Variants in FER observed in about 807,000 individuals in gnomAD.
FER encodes tyrosine-protein kinase Fer.
In FER, 63 loss-of-function variants were observed where a neutral mutation model predicts 111.0. That is an observed-to-expected ratio of 0.57 (90% CI 0.46 to 0.70). The LOEUF (loss-of-function observed/expected upper bound fraction) is 0.70. FER is among the 30% of genes least tolerant of loss of function. The pLI is 0.00. For synonymous variants in FER, 327 were observed against 313.9 expected (o/e 1.04, Z -0.44); for missense variants, 914 against 954.0 (o/e 0.96, Z 0.55).
At chr5:108,856,663 C>T (rs1172083000) in intron 5 of FER, among the ~76,000 whole-genome samples, 2 of 152,060 alleles carry the variant, frequency 1.3e-5, no homozygotes, top group African/African-American at 4.8e-5. Context: ...ACCTAGGACA[C>T]CATGGATTGT....
chr5:108,750,815 T>A (rs1318613141), intron 1 of FER, among the ~76,000 whole-genome samples: 5 of 152,194 alleles, frequency 3.3e-5, no homozygotes, highest in Admixed American at 6.5e-5. Context: ...CCACCACCTA[T>A]ATATTTAGCA....
At chr5:108,893,639 T>A (rs748235423) in intron 9 of FER, among the ~76,000 whole-genome samples, 1 of 152,022 alleles carries the variant, frequency 6.6e-6, no homozygotes, top group Non-Finnish European at 1.5e-5. Context: ...TGTTCAGCAT[T>A]CTAGGTGACA....
chr5:109,057,768 G>T (rs527395502), intron 16 of FER, among the ~76,000 whole-genome samples: 2 of 152,264 alleles, frequency 1.3e-5, no homozygotes, highest in Admixed American at 1.3e-4. Flanking sequence ...TCCAGGCCTA[G>T]ATGGCTTTTC....
chr5:108,889,433 A>G (rs536967473), intron 9 of FER, among the ~76,000 whole-genome samples: 2 of 152,084 alleles, frequency 1.3e-5, no homozygotes, highest in Non-Finnish European at 2.9e-5. Flanking sequence ...ATGTTAAGTG[A>G]AATAAGCCAG....
At chr5:108,794,526 A>ACG (rs1755779542) in intron 2 of FER, among the ~76,000 whole-genome samples, 1 of 106,354 alleles carries the variant, frequency 9.4e-6, no homozygotes, top group Admixed American at 1.0e-4. Context: ...CCCCCTCCGC[A>ACG]CCCCCCCCCC....
chr5:109,112,324 G>A (rs935938256), intron 17 of FER, among the ~76,000 whole-genome samples: 1 of 152,174 alleles, frequency 6.6e-6, no homozygotes, highest in Non-Finnish European at 1.5e-5. Flanking sequence ...ATAGGTTGAA[G>A]AAGGTGCAAG....
At chr5:108,848,621 A>T (rs763403133) in intron 5 of FER, among the ~76,000 whole-genome samples, 69 of 151,998 alleles carry the variant, frequency 4.5e-4, no homozygotes, top group Non-Finnish European at 4.9e-4. Context: ...TCTTTGTGCT[A>T]TTATTGTGAT....
chr5:109,147,254 T>C (rs1443523419), intron 17 of FER, among the ~76,000 whole-genome samples: 1 of 151,984 alleles, frequency 6.6e-6, no homozygotes, highest in African/African-American at 2.4e-5. Context: ...GTACTGCAAA[T>C]TGGCAAGAAT....
At chr5:109,018,274 G>A (rs994009006) in intron 13 of FER, among the ~76,000 whole-genome samples, 2 of 151,746 alleles carry the variant, frequency 1.3e-5, no homozygotes, top group African/African-American at 4.8e-5. Flanking sequence ...TCATTGAGTG[G>A]TTTTGCTTTA....
chr5:108,756,796 T>C (rs559000352), intron 1 of FER, among the ~76,000 whole-genome samples: 4 of 152,186 alleles, frequency 2.6e-5, no homozygotes, highest in Non-Finnish European at 5.9e-5. Flanking sequence ...TTTTTTGTTT[T>C]GTTTTTGTAT....
chr5:108,860,783 A>T (rs1392471307), intron 5 of FER, among the ~76,000 whole-genome samples: 1 of 152,220 alleles, frequency 6.6e-6, no homozygotes, highest in African/African-American at 2.4e-5. Context: ...TGGGTAATTT[A>T]TAAAGAAAAG....
intron 13 of FER, among the ~76,000 whole-genome samples, chr5:108,964,962 A>G (rs540076615): frequency 9.2e-5 from 14 of 152,140 alleles, no homozygotes; most frequent in Non-Finnish European, 2.1e-4. Context: ...CGAACATTTG[A>G]AAAGACATAA....
intron 16 of FER, among the ~76,000 whole-genome samples, chr5:109,069,450 A>G (rs1276402349): frequency 6.6e-6 from 1 of 152,190 alleles, no homozygotes. Context: ...AATGAATAGA[A>G]GAACACTTTC....
intron 5 of FER, among the ~76,000 whole-genome samples, chr5:108,858,679 C>T (rs1316842688): frequency 6.6e-6 from 1 of 151,680 alleles, no homozygotes; most frequent in Non-Finnish European, 1.5e-5. Context: ...CACAAAACTA[C>T]GATTATATAA....
intron 6 of FER, among the ~76,000 whole-genome samples, chr5:108,870,584 T>A (rs1312594206): frequency 6.6e-6 from 1 of 152,144 alleles, no homozygotes; most frequent in Non-Finnish European, 1.5e-5. Flanking sequence ...ATAAAGTAAT[T>A]GAGAGAATAC....
chr5:108,946,039 G>A, intron 10 of FER, 91 bp from the exon 11 acceptor site: 2 of 778,472 alleles, frequency 2.6e-6, no homozygotes, highest in Non-Finnish European at 4.2e-6. Flanking sequence ...AGACATGATG[G>A]ATAAGCTGTG....
At chr5:108,776,360 A>G (rs564583063) in intron 2 of FER, among the ~76,000 whole-genome samples, 1 of 152,302 alleles carries the variant, frequency 6.6e-6, no homozygotes, top group African/African-American at 2.4e-5. Flanking sequence ...AATCCTGTTA[A>G]AAAATAAATT....
chr5:109,171,860 T>G (rs1391197122), intron 17 of FER, among the ~76,000 whole-genome samples: 5 of 152,206 alleles, frequency 3.3e-5, no homozygotes, highest in African/African-American at 1.2e-4. Flanking sequence ...GTTTTGTTAT[T>G]AAATTACCCA....
In FER at chr5:108,907,558, G is replaced by T. The variant is rs181319077; in HGVS notation, c.1236+9710G>T. Among the ~76,000 whole-genome samples, 130 of 152,004 alleles carry T rather than the reference G, an allele frequency of 8.6e-4. 1 individual carries two copies. The highest frequency in any genetic ancestry group is 2.2e-3 in the Admixed American group (33 of 15,212). ...TCCACCCGCCTCGGCCTCCCAAAGT[G>T]CTGGGATTATAGGAGTGAGCCCCTG... is the stretch of plus-strand genomic sequence containing the variant. On this transcript the variant is annotated intron_variant, in intron 10 of 19. Transcript: ENST00000281092.
Sources: gnomAD v4.1 joint callset for allele counts (sites outside exome capture counted in the v4.1 genomes callset) on GRCh38, gnomAD v4.1.1 for gene constraint, MANE v1.5 for transcripts, NCBI Gene and HGNC (gene_info 2026-07-23, HGNC 2026-07-21) for gene names.